Variants in PSMB7 observed in about 807,000 individuals in gnomAD.
PSMB7 encodes proteasome subunit beta type-7.
PSMB7 carries 5 observed loss-of-function variants against 28.1 expected under a neutral mutation model. The ratio of observed to expected loss-of-function variants is 0.18; its 90% CI spans 0.09 to 0.37. The LOEUF is 0.37. Among genes scored for constraint, PSMB7 ranks in the 10% least tolerant of loss-of-function variants. The pLI, the probability that PSMB7 is intolerant of heterozygous loss-of-function variation, is 1.00. For synonymous variants in PSMB7, 122 were observed against 123.7 expected (o/e 0.99, Z 0.09); for missense variants, 275 against 346.2 (o/e 0.79, Z 1.63).
chr9:124,415,222 TC>T, intron 1 of PSMB7, 141 bp downstream of exon 1: 1 of 910,074 alleles, frequency 1.1e-6, no homozygotes, highest in Non-Finnish European at 1.7e-6. Context: ...AGGCCCTGAT[TC>T]CCCTGAGTCA....
At chr9:124,379,083 T>TA (rs1400395418) in intron 6 of PSMB7, among the ~76,000 whole-genome samples, 1 of 152,240 alleles carries the variant, frequency 6.6e-6, no homozygotes, top group Non-Finnish European at 1.5e-5. Flanking sequence ...CAGGTCAACT[T>TA]ACACATTTCA....
intron 5 of PSMB7, among the ~76,000 whole-genome samples, chr9:124,396,315 A>T (rs1303682872): frequency 5.3e-5 from 4 of 75,868 alleles, no homozygotes; most frequent in African/African-American, 1.2e-4. Flanking sequence ...AAATACAGAA[A>T]AGGTTGTACT....
intron 5 of PSMB7, chr9:124,396,637 G>A (rs1830846135): frequency 5.0e-6 from 2 of 397,074 alleles, no homozygotes; most frequent in Non-Finnish European, 1.0e-5. Context: ...TATTCCTTAA[G>A]TCAGTATTCC....
At chr9:124,381,135 CG>C (rs955569135) in intron 6 of PSMB7, among the ~76,000 whole-genome samples, 1 of 152,164 alleles carries the variant, frequency 6.6e-6, no homozygotes, top group African/African-American at 2.4e-5. Context: ...TCGATAACCA[CG>C]TAAGGTTAGC....
At chr9:124,357,869 A>G (rs1830427750) in intron 6 of PSMB7, among the ~76,000 whole-genome samples, 1 of 152,174 alleles carries the variant, frequency 6.6e-6, no homozygotes, top group Non-Finnish European at 1.5e-5. Context: ...CTGGGAACAC[A>G]GCTGGTCAGC....
intron 5 of PSMB7, among the ~76,000 whole-genome samples, chr9:124,387,512 C>CTTACTT (rs112073446): frequency 0.017 from 2,642 of 152,112 alleles, 88 homozygotes; most frequent in African/African-American, 0.059. Context: ...CTCTCTCTCT[C>CTTACTT]GAGAAATTTT....
At chr9:124,387,490 C>A (rs1476913107) in intron 5 of PSMB7, among the ~76,000 whole-genome samples, 1 of 149,602 alleles carries the variant, frequency 6.7e-6, no homozygotes, top group Non-Finnish European at 1.5e-5. Context: ...TACATACATA[C>A]ACACACACAC....
intron 5 of PSMB7, among the ~76,000 whole-genome samples, chr9:124,399,414 G>GCAATGGCTAACT (rs1830876312): frequency 6.6e-6 from 1 of 152,194 alleles, no homozygotes; most frequent in African/African-American, 2.4e-5. Context: ...TCCGCCAGGG[G>GCAATGGCTAACT]CAGCCAGGAG....
chr9:124,368,474 G>C (rs2131148997), intron 6 of PSMB7, among the ~76,000 whole-genome samples: 1 of 152,264 alleles, frequency 6.6e-6, no homozygotes, highest in South Asian at 2.1e-4. Flanking sequence ...ACAGAATCTA[G>C]TCATCGAATC....
intron 1 of PSMB7, 167 bp from the exon 2 acceptor site, chr9:124,415,102 G>T: frequency 1.6e-6 from 1 of 633,284 alleles, no homozygotes; most frequent in Non-Finnish European, 2.7e-6. Flanking sequence ...TTCCAACGAA[G>T]ACAGTCTTAC....
chr9:124,370,083 CAACA>C (rs1476064231), intron 6 of PSMB7, among the ~76,000 whole-genome samples: 1 of 152,164 alleles, frequency 6.6e-6, no homozygotes, highest in Admixed American at 6.5e-5. Context: ...CACCGTCTAT[CAACA>C]GTTTACAGAG....
intron 5 of PSMB7, among the ~76,000 whole-genome samples, chr9:124,386,039 C>T (rs377746438): frequency 2.9e-4 from 44 of 151,942 alleles, no homozygotes; most frequent in African/African-American, 1.0e-3. Flanking sequence ...CATCTAAAGC[C>T]ATAGGAAGCG....
chr9:124,403,848 T>C (rs541642296), intron 5 of PSMB7, among the ~76,000 whole-genome samples: 1 of 152,074 alleles, frequency 6.6e-6, no homozygotes, highest in Non-Finnish European at 1.5e-5. Flanking sequence ...TCTAGAATTC[T>C]ACTCAAATCT....
In PSMB7 at chr9:124,414,954, A is replaced by G. The variant is rs746311669; in HGVS notation, c.63-19T>C. The G allele has an allele frequency of 1.8e-5, 29 of 1,574,362 alleles. No homozygotes were observed. The highest frequency in any genetic ancestry group is 2.5e-5 in the Non-Finnish European group (29 of 1,147,160). ...GGCATTCCTAAGAGCAAATGAGAGA[A>G]TCAAGTGTTGAAGGGCAGGACCACA... On this transcript the variant is annotated intron_variant, in intron 1 of 7. Transcript: ENST00000259457.
At chr9:124,386,471 T>C (rs1193976112) in intron 5 of PSMB7, among the ~76,000 whole-genome samples, 1 of 152,172 alleles carries the variant, frequency 6.6e-6, no homozygotes, top group African/African-American at 2.4e-5. Context: ...AAGCTGGTTT[T>C]GTGTGGAAAG....
intron 6 of PSMB7, among the ~76,000 whole-genome samples, chr9:124,380,065 A>C (rs763865397): frequency 2.6e-5 from 4 of 152,204 alleles, no homozygotes; most frequent in Non-Finnish European, 5.9e-5. Flanking sequence ...ACAGTGCAGC[A>C]CAGGGACACA....
At chr9:124,401,958 G>A (rs1275149463) in intron 5 of PSMB7, among the ~76,000 whole-genome samples, 1 of 151,546 alleles carries the variant, frequency 6.6e-6, no homozygotes, top group African/African-American at 2.4e-5. Context: ...AGCAGGGGTT[G>A]CAGCGAGCAG....
At chr9:124,395,294 G>A (rs867987352) in intron 5 of PSMB7, among the ~76,000 whole-genome samples, 2 of 151,360 alleles carry the variant, frequency 1.3e-5, no homozygotes, top group Non-Finnish European at 1.5e-5. Flanking sequence ...AGACCAGCCC[G>A]AAAAACACAG....
intron 6 of PSMB7, among the ~76,000 whole-genome samples, chr9:124,364,658 A>G (rs1205159316): frequency 6.6e-6 from 1 of 152,158 alleles, no homozygotes; most frequent in Non-Finnish European, 1.5e-5. Flanking sequence ...TGCAAAAACA[A>G]CGCGGCCCGT....
Sources: allele counts gnomAD v4.1 joint callset (sites outside exome capture counted in the v4.1 genomes callset), GRCh38; gene constraint gnomAD v4.1.1; transcripts MANE v1.5; gene names NCBI Gene and HGNC (gene_info 2026-07-23, HGNC 2026-07-21).